RUNX2: variants seen among roughly 807,000 people sequenced by gnomAD.
RUNX2 encodes the protein runt-related transcription factor 2.
RUNX2 carries 10 observed loss-of-function variants against 51.7 expected under a neutral mutation model. That is an observed-to-expected ratio of 0.19 (90% CI 0.12 to 0.33). The LOEUF (loss-of-function observed/expected upper bound fraction) is 0.33, where lower values mean the gene tolerates loss of function less well. RUNX2 is among the 10% of genes least tolerant of loss of function. RUNX2 has a pLI of 1.00. For missense variants in RUNX2, 562 were observed against 691.3 expected (o/e 0.81, Z 2.10); for synonymous variants, 276 against 273.6 (o/e 1.01, Z -0.09).
At chr6:45,339,122 C>G (rs575411909) in intron 2 of RUNX2, among the ~76,000 whole-genome samples, 5 of 152,136 alleles carry the variant, frequency 3.3e-5, no homozygotes, top group African/African-American at 1.2e-4. Context: ...TATTGCTTGA[C>G]TATAAGGCTA....
chr6:45,538,274 A>G (rs1044370676), intron 7 of RUNX2, among the ~76,000 whole-genome samples: 1 of 152,204 alleles, frequency 6.6e-6, no homozygotes, highest in Non-Finnish European at 1.5e-5. Context: ...TGCAATTTTT[A>G]AAATAATCTT....
At chr6:45,346,571 TTTTTTTTTTTTCTTGAGA>T (rs1343691432) in intron 2 of RUNX2, among the ~76,000 whole-genome samples, 10 of 151,118 alleles carry the variant, frequency 6.6e-5, no homozygotes. Flanking sequence ...ACATTTCTTT[TTTTTTTTTTTTCTTGAGA>T]TAGGGTCTCA....
Position 45,422,141 on chromosome 6 carries a change from G to C in RUNX2, c.59-452G>C, listed in dbSNP as rs1582093200. The stretch of plus-strand genomic sequence containing the variant: ...GGCAGCGCGCGGCAATGCCGGCCCC[G>C]GGGCTGGACTGCTGAACCCACACCG... On this transcript the variant is annotated intron_variant, in intron 2 of 8. Coordinates refer to ENST00000647337, the MANE Select transcript of RUNX2 (RefSeq NM_001024630.4). The C allele has an allele frequency of 1.3e-5, 2 of 151,360 alleles. 1 individual carries two copies. The highest frequency in any genetic ancestry group is 4.1e-4 in the South Asian group (2 of 4,924). The allele number at this position is 151,360 out of a possible 1,614,324, so 9.4% of individuals were successfully genotyped here. A position where few individuals can be genotyped will look rare whatever the true frequency, so the allele number is the denominator to read the frequency against.
At chr6:45,352,835 C>G (rs1792339781) in intron 2 of RUNX2, among the ~76,000 whole-genome samples, 1 of 151,942 alleles carries the variant, frequency 6.6e-6, no homozygotes, top group African/African-American at 2.4e-5. Context: ...ATATATAATT[C>G]TATTAGTCAG....
At chr6:45,446,501 C>CTT (rs398065760) in intron 5 of RUNX2, among the ~76,000 whole-genome samples, 11 of 140,054 alleles carry the variant, frequency 7.9e-5, no homozygotes, top group Admixed American at 3.6e-4. Context: ...TTTTGTCTCT[C>CTT]TTTTTTTTTT....
intron 2 of RUNX2, among the ~76,000 whole-genome samples, chr6:45,342,012 G>A (rs1209007444): frequency 4.0e-5 from 6 of 151,762 alleles, no homozygotes; most frequent in Middle Eastern, 3.2e-3. Context: ...AAAAAAAAAC[G>A]GAGACTGGAC....
intron 6 of RUNX2, among the ~76,000 whole-genome samples, chr6:45,495,844 T>A (rs1800628411): frequency 6.6e-6 from 1 of 152,242 alleles, no homozygotes; most frequent in Non-Finnish European, 1.5e-5. Context: ...GGACCAAAAC[T>A]TCTAGCCATG....
intron 5 of RUNX2, among the ~76,000 whole-genome samples, chr6:45,458,022 A>T (rs1401826046): frequency 1.5e-5 from 2 of 137,714 alleles, no homozygotes; most frequent in Admixed American, 7.3e-5. Context: ...CTGGGATAGG[A>T]TTTTTTTTTT....
chr6:45,385,333 A>G (rs182996636), intron 2 of RUNX2, among the ~76,000 whole-genome samples: 1 of 152,162 alleles, frequency 6.6e-6, no homozygotes, highest in Admixed American at 6.5e-5. Context: ...TTTTTTTCTT[A>G]TTTCTGGGGA....
intron 5 of RUNX2, among the ~76,000 whole-genome samples, chr6:45,483,284 G>A: frequency 6.6e-6 from 1 of 152,000 alleles, no homozygotes; most frequent in East Asian, 1.9e-4. Flanking sequence ...AGATGACGCA[G>A]CAGCCTTTCC....
At chr6:45,532,458 G>C (rs758219783) in intron 7 of RUNX2, among the ~76,000 whole-genome samples, 1 of 151,836 alleles carries the variant, frequency 6.6e-6, no homozygotes, top group South Asian at 2.1e-4. Flanking sequence ...TGTGAGGCAG[G>C]GACAGCACTG....
At chr6:45,384,592 T>C (rs1322465070) in intron 2 of RUNX2, among the ~76,000 whole-genome samples, 2 of 152,046 alleles carry the variant, frequency 1.3e-5, no homozygotes, top group African/African-American at 4.8e-5. Flanking sequence ...GCCAGTTTTC[T>C]AGTTTTTATT....
At chr6:45,355,271 A>G (rs1315684464) in intron 2 of RUNX2, among the ~76,000 whole-genome samples, 1 of 151,692 alleles carries the variant, frequency 6.6e-6, no homozygotes, top group Non-Finnish European at 1.5e-5. Context: ...TCCAATAAGC[A>G]CTTTAATTTA....
intron 5 of RUNX2, among the ~76,000 whole-genome samples, chr6:45,490,630 G>A (rs1259211582): frequency 1.3e-5 from 2 of 152,206 alleles, no homozygotes; most frequent in African/African-American, 2.4e-5. Flanking sequence ...TCTGTATTAA[G>A]TGGAAGCTAA....
chr6:45,357,947 ATTTC>A (rs1175367367), intron 2 of RUNX2, among the ~76,000 whole-genome samples: 7 of 152,218 alleles, frequency 4.6e-5, no homozygotes, highest in African/African-American at 1.4e-4. Flanking sequence ...AACTGAACAC[ATTTC>A]TTTATTATTC....
chr6:45,353,847 T>C (rs539116763), intron 2 of RUNX2, among the ~76,000 whole-genome samples: 11 of 142,904 alleles, frequency 7.7e-5, no homozygotes, highest in South Asian at 6.8e-4. Flanking sequence ...GCGGGGAAAA[T>C]AGGGAAAATG....
At chr6:45,506,013 T>A (rs1293566952) in intron 6 of RUNX2, among the ~76,000 whole-genome samples, 1 of 152,184 alleles carries the variant, frequency 6.6e-6, no homozygotes, top group Non-Finnish European at 1.5e-5. Flanking sequence ...AAAAGAGAAA[T>A]TAACCTGAAC....
At chr6:45,521,531 C>T (rs1801508526) in intron 7 of RUNX2, among the ~76,000 whole-genome samples, 1 of 152,122 alleles carries the variant, frequency 6.6e-6, no homozygotes, top group South Asian at 2.1e-4. Context: ...TAATTATAGC[C>T]ATCATGTAAT....
intron 5 of RUNX2, among the ~76,000 whole-genome samples, chr6:45,465,714 C>T (rs185789324): frequency 6.6e-6 from 1 of 151,122 alleles, no homozygotes; most frequent in East Asian, 1.9e-4. Flanking sequence ...ACAATTTTGG[C>T]TCACTGAAGC....
Sources: gnomAD v4.1 joint callset for allele counts (sites outside exome capture counted in the v4.1 genomes callset) on GRCh38, gnomAD v4.1.1 for gene constraint, MANE v1.5 for transcripts, NCBI Gene and HGNC (gene_info 2026-07-23, HGNC 2026-07-21) for gene names.